RIMBP2: variants seen among roughly 807,000 people sequenced by gnomAD.
RIMBP2 encodes RIMS binding protein 2.
A neutral mutation model predicts 118.6 loss-of-function variants in RIMBP2; 48 were observed. The ratio of observed to expected loss-of-function variants is 0.40; its 90% CI spans 0.32 to 0.51. The LOEUF is 0.51. RIMBP2 is among the 20% of genes least tolerant of loss of function. The pLI, the probability that RIMBP2 is intolerant of heterozygous loss-of-function variation, is 0.41. For synonymous variants in RIMBP2, 762 were observed against 742.9 expected, an observed-to-expected ratio of 1.03 and a Z score of -0.42; for missense variants, 1,551 against 1,768.3, an observed-to-expected ratio of 0.88 and a Z score of 2.20.
intron 9 of RIMBP2, among the ~76,000 whole-genome samples, chr12:130,445,645 G>A (rs910109572): frequency 2.0e-5 from 3 of 152,140 alleles, no homozygotes; most frequent in Non-Finnish European, 4.4e-5. Context: ...ACAATTTAGT[G>A]AAAACAGAAT....
chr12:130,553,937 G>A (rs2056087649), intron 2 of RIMBP2, among the ~76,000 whole-genome samples: 1 of 152,106 alleles, frequency 6.6e-6, no homozygotes, highest in Non-Finnish European at 1.5e-5. Context: ...TGGAATTAAG[G>A]ACTCTAGATT....
chr12:130,535,627 A>C (rs12424093), intron 2 of RIMBP2, among the ~76,000 whole-genome samples: 15,751 of 150,504 alleles, frequency 0.1, 900 homozygotes, highest in East Asian at 0.2. Flanking sequence ...AGCTCTCTCT[A>C]TATATATACA....
intron 1 of RIMBP2, among the ~76,000 whole-genome samples, chr12:130,693,784 G>A (rs1222272057): frequency 6.6e-6 from 1 of 152,300 alleles, no homozygotes; most frequent in South Asian, 2.1e-4. Context: ...TTCCCAAGAA[G>A]GCCCTTTAAT....
chr12:130,590,450 C>T (rs899082349), intron 2 of RIMBP2, among the ~76,000 whole-genome samples: 4 of 152,172 alleles, frequency 2.6e-5, no homozygotes, highest in Admixed American at 1.3e-4. Flanking sequence ...TCAGAGTCCC[C>T]GCCAGAATAA....
intron 2 of RIMBP2, among the ~76,000 whole-genome samples, chr12:130,606,861 T>G (rs1226131880): frequency 1.3e-5 from 2 of 152,198 alleles, no homozygotes; most frequent in Non-Finnish European, 2.9e-5. Context: ...AGATGAAGTC[T>G]TGCTCTGTCG....
At chr12:130,437,456 G>A (rs1387635345) in intron 12 of RIMBP2, among the ~76,000 whole-genome samples, 165 bp from the exon 13 acceptor site, 2 of 152,178 alleles carry the variant, frequency 1.3e-5, no homozygotes, top group East Asian at 1.9e-4. Flanking sequence ...GAAGTCTTGC[G>A]GGGAGGGGGC....
At chr12:130,509,263 T>C (rs1434464935) in intron 3 of RIMBP2, among the ~76,000 whole-genome samples, 1 of 152,206 alleles carries the variant, frequency 6.6e-6, no homozygotes. Context: ...GGAATTTCAG[T>C]ATGTGCCGGA....
chr12:130,606,527 C>T (rs955370150), intron 2 of RIMBP2, among the ~76,000 whole-genome samples: 1 of 152,284 alleles, frequency 6.6e-6, no homozygotes, highest in South Asian at 2.1e-4. Context: ...GTTGAAGAGG[C>T]GGAAGCTGAG....
At position 130,442,253 on chromosome 12, in the gene RIMBP2, T is replaced by C; in HGVS notation, c.1099A>G (p.Thr367Ala). The C allele has an allele frequency of 6.2e-7, 1 of 1,614,212 alleles. No homozygotes were observed. The highest frequency in any genetic ancestry group is 8.5e-7 in the Non-Finnish European group (1 of 1,180,046). Residue 367 changes from threonine (T) to alanine (A), a missense_variant, in exon 11 of 23, where the codon ACT (threonine) becomes GCT (alanine). Thr to Ala is a moderately conservative substitution (Grantham distance 58, BLOSUM62 0). Transcript: ENST00000690449. The surrounding 1 kb of genome is among the most constrained non-coding windows in gnomAD (Gnocchi z 6.9). ...TTGAGCTTCTCGATGAGGGCTTTAG[T>C]TCTGCTCCCCAGCGTGAGGTTCATG... ...TRMNLTLGSR[T>A]KALIEKLNMA...
intron 7 of RIMBP2, among the ~76,000 whole-genome samples, chr12:130,451,602 A>G (rs1448302217): frequency 1.3e-5 from 2 of 152,176 alleles, no homozygotes; most frequent in East Asian, 3.9e-4. Context: ...TCCCAGGCAG[A>G]GGGAACTAAA....
intron 7 of RIMBP2, among the ~76,000 whole-genome samples, chr12:130,455,906 G>A (rs1182746901): frequency 6.6e-6 from 1 of 151,962 alleles, no homozygotes; most frequent in Middle Eastern, 3.4e-3. Flanking sequence ...CTCTGCCTGC[G>A]ACCAAGACTA....
intron 2 of RIMBP2, among the ~76,000 whole-genome samples, chr12:130,571,661 A>G (rs1162524669): frequency 5.3e-5 from 8 of 151,970 alleles, no homozygotes; most frequent in Non-Finnish European, 7.4e-5. Flanking sequence ...TAACCTCTTA[A>G]TGCTCAGACA....
intron 10 of RIMBP2, among the ~76,000 whole-genome samples, chr12:130,443,564 A>G (rs2078300217): frequency 6.6e-6 from 1 of 152,174 alleles, no homozygotes; most frequent in Non-Finnish European, 1.5e-5. Flanking sequence ...TCAGGGGAGC[A>G]TGTGATGTGT....
chr12:130,496,083 C>T (rs1236307235), intron 4 of RIMBP2, among the ~76,000 whole-genome samples: 2 of 152,170 alleles, frequency 1.3e-5, no homozygotes, highest in Admixed American at 1.3e-4. Context: ...TGCCTGTAGC[C>T]ATGTGATACG....
At chr12:130,715,211 T>C (rs575679874) in intron 1 of RIMBP2, among the ~76,000 whole-genome samples, 5 of 152,312 alleles carry the variant, frequency 3.3e-5, no homozygotes, top group African/African-American at 1.2e-4. Flanking sequence ...GAGAGAAATA[T>C]GGGGCTGGAC....
intron 2 of RIMBP2, among the ~76,000 whole-genome samples, chr12:130,582,511 C>T (rs957137415): frequency 1.3e-5 from 2 of 152,212 alleles, no homozygotes; most frequent in Non-Finnish European, 2.9e-5. Context: ...AGGGATGACG[C>T]ATGGCACCAT....
At chr12:130,531,947 AGGTACGTCTAATGAGATGCGTAT>A (rs1255971505) in intron 2 of RIMBP2, among the ~76,000 whole-genome samples, 3 of 140,546 alleles carry the variant, frequency 2.1e-5, no homozygotes, top group Admixed American at 7.1e-5. Flanking sequence ...AGCCTCTAGG[AGGTACGTCTAATGAGATGCGTAT>A]GTTTAGCCTC....
intron 6 of RIMBP2, among the ~76,000 whole-genome samples, chr12:130,466,823 G>A (rs11060912): frequency 0.021 from 3,170 of 152,234 alleles, 91 homozygotes; most frequent in East Asian, 0.16. Flanking sequence ...CCGAGACAAA[G>A]GTATATCTGA....
In RIMBP2 at chr12:130,446,332, C is replaced by T. The variant is rs1300233187; in HGVS notation, c.582-1063G>A. 1.3e-5 allele frequency among the ~76,000 whole-genome samples: 2 copies of T among 152,162 alleles called. No homozygotes were observed. Among genetic ancestry groups the T allele is most frequent in the African/African-American group, 2.4e-5 (1 of 41,426 alleles). ...CCAACACTTTCATACACGTTTTATT[C>T]GATGGCCATTAAATGTTAGGAAAAC... On this transcript the variant is annotated intron_variant, in intron 9 of 22. Transcript: ENST00000690449. The surrounding 1 kb of genome is among the most constrained non-coding windows in gnomAD (Gnocchi z 4.1).
Sources: gnomAD v4.1 joint callset for allele counts (sites outside exome capture counted in the v4.1 genomes callset) on GRCh38, gnomAD v4.1.1 for gene constraint, Gnocchi (gnomAD v3.1) non-coding constraint, MANE v1.5 for transcripts, NCBI Gene and HGNC (gene_info 2026-07-23, HGNC 2026-07-21) for gene names.